CFAP44: variants seen among roughly 807,000 people sequenced by gnomAD.
CFAP44 encodes the protein cilia- and flagella-associated protein 44.
Under a neutral mutation model 216.2 loss-of-function variants are expected in CFAP44, and 134 were observed. The ratio of observed to expected loss-of-function variants is 0.62; its 90% CI spans 0.54 to 0.72. CFAP44 has a LOEUF of 0.72. Ranked by LOEUF, CFAP44 falls within the 30% of genes least tolerant of loss-of-function variation. The pLI, the probability that CFAP44 is intolerant of heterozygous loss-of-function variation, is 0.00. For missense variants in CFAP44, 2,035 were observed against 2,182.1 expected (o/e 0.93, Z 1.34); for synonymous variants, 700 against 727.6 (o/e 0.96, Z 0.61).
chr3:113,354,690 C>T (rs1950478134), intron 22 of CFAP44, among the ~76,000 whole-genome samples: 1 of 152,160 alleles, frequency 6.6e-6, no homozygotes, highest in African/African-American at 2.4e-5. Context: ...ACCTGGTGGT[C>T]TTTCTCTACC....
intron 12 of CFAP44, among the ~76,000 whole-genome samples, chr3:113,400,211 C>T (rs1934104781): frequency 1.3e-5 from 2 of 152,002 alleles, no homozygotes; most frequent in African/African-American, 2.4e-5. Context: ...ACTGCTGGGT[C>T]AATTTCACCT....
chr3:113,327,508 A>C, intron 27 of CFAP44, 108 bp downstream of exon 27: 4 of 962,952 alleles, frequency 4.2e-6, no homozygotes, highest in Non-Finnish European at 5.9e-6. Context: ...AAGACAAGAA[A>C]GAGATAAGGG....
In CFAP44 at chr3:113,312,245, T is replaced by G. The variant is rs552328412; in HGVS notation, c.4517-3977A>C. Among the ~76,000 whole-genome samples the G allele has an allele frequency of 2.0e-5, 3 of 149,996 alleles. No individual in the cohort carries two copies. In the East Asian group the frequency reaches 5.9e-4, roughly 29 times the overall value. Reference sequence around the variant, plus strand: ...CGCCACCATGCCTGGCTAATTTTTTTTTTTTTTTTTTGTATTTTTAGGAGA... The same window carrying G: ...CGCCACCATGCCTGGCTAATTTTTTGTTTTTTTTTTTGTATTTTTAGGAGA... On this transcript the variant is annotated intron_variant, in intron 28 of 34. Coordinates refer to ENST00000393845, the MANE Select transcript of CFAP44 (RefSeq NM_001164496.2).
intron 28 of CFAP44, among the ~76,000 whole-genome samples, chr3:113,317,220 G>T (rs1303490462): frequency 6.6e-6 from 1 of 152,210 alleles, no homozygotes; most frequent in African/African-American, 2.4e-5. Context: ...ACCTGGCAGG[G>T]GGATCTCCCC....
intron 4 of CFAP44, 130 bp downstream of exon 4, chr3:113,425,994 T>G (rs1576606678): frequency 1.3e-4 from 134 of 1,026,986 alleles, no homozygotes; most frequent in Middle Eastern, 6.7e-4. Flanking sequence ...GATGTGGCTG[T>G]GTTGCAATAA....
At chr3:113,309,449 GC>G (rs1299152700) in intron 28 of CFAP44, among the ~76,000 whole-genome samples, 2 of 152,020 alleles carry the variant, frequency 1.3e-5, no homozygotes, top group Admixed American at 6.6e-5. Context: ...CATTATAGTA[GC>G]CCCCCTGAAT....
chr3:113,324,838 C>A (rs1220698429), intron 28 of CFAP44, among the ~76,000 whole-genome samples: 1 of 152,108 alleles, frequency 6.6e-6, no homozygotes, highest in African/African-American at 2.4e-5. Flanking sequence ...TAGCAAAACC[C>A]ACAATTACTT....
At chr3:113,316,872 A>G (rs1239691931) in intron 28 of CFAP44, among the ~76,000 whole-genome samples, 1 of 151,616 alleles carries the variant, frequency 6.6e-6, no homozygotes, top group East Asian at 1.9e-4. Flanking sequence ...CCATCTCAAA[A>G]AAAAAAAAAA....
At chr3:113,369,455 G>A (rs924661685) in intron 18 of CFAP44, among the ~76,000 whole-genome samples, 2 of 152,210 alleles carry the variant, frequency 1.3e-5, no homozygotes, top group African/African-American at 4.8e-5. Context: ...TGTGGAAACT[G>A]AACAACCTGC....
chr3:113,294,664 G>A (rs1311058665), intron 34 of CFAP44, 23 bp downstream of exon 34: 1 of 1,495,230 alleles, frequency 6.7e-7, no homozygotes, highest in Admixed American at 2.5e-5. Flanking sequence ...TTCCGAAAAA[G>A]GGTCTGAAGG....
chr3:113,363,301 C>T lies in CFAP44; in HGVS notation c.2778G>A (p.Glu926=), dbSNP rs780047666. 6.2e-7 allele frequency: 1 copy of T among 1,602,688 alleles called. No homozygotes were observed. Residue 926 remains glutamate (E), a synonymous_variant, in exon 21 of 35, where the codon GAG becomes GAA. Coordinates refer to ENST00000393845, the MANE Select transcript of CFAP44 (RefSeq NM_001164496.2). ...DIEDPKAYSI[E]NARRKREHDK... The stretch of plus-strand genomic sequence containing the variant: ...CATGTTCTCTTTTTCTCCTAGCATT[C>T]TCGATACTGAAAACAGAAATTTAAA...
At chr3:113,426,345 G>T in intron 3 of CFAP44, 68 bp from the exon 4 acceptor site, 3 of 1,532,186 alleles carry the variant, frequency 2.0e-6, no homozygotes, top group Non-Finnish European at 2.7e-6. Flanking sequence ...ATCTCAACTT[G>T]AATTGTAGTT....
At chr3:113,324,042 C>CAAAAAAAAAAAAAAAAAAAA (rs200919084) in intron 28 of CFAP44, among the ~76,000 whole-genome samples, 83 of 71,710 alleles carry the variant, frequency 1.2e-3, no homozygotes, top group Non-Finnish European at 1.7e-3. Flanking sequence ...GACTCCGTCT[C>CAAAAAAAAAAAAAAAAAAAA]AAAAAAAAAA....
chr3:113,288,584 CCTT>C lies in CFAP44; in HGVS notation c.*2970_*2972del, dbSNP rs1007812898. 1.3e-5 allele frequency: 2 copies of C among 152,198 alleles called. No individual in the cohort carries two copies. Among genetic ancestry groups the C allele is most frequent in the Non-Finnish European group, 2.9e-5 (2 of 68,062 alleles). The allele number at this position is 152,198 out of a possible 1,614,324, so 9.4% of individuals were successfully genotyped here. A position where few individuals can be genotyped will look rare whatever the true frequency, so the allele number is the denominator to read the frequency against. ...GCCCCCCAATCTGAGCTGTAACTCA[CCTT>C]CTAGCCCCACTGGTTTTTACATTTT... On this transcript the variant is annotated 3_prime_UTR_variant, in exon 35 of 35. Coordinates refer to ENST00000393845, the MANE Select transcript of CFAP44 (RefSeq NM_001164496.2).
rs551140388 is a variant in CFAP44 at position 113,288,616 on chromosome 3, C to A, written c.*2941G>T. 6.6e-6 allele frequency: 1 copy of A among 152,152 alleles called. No individual in the cohort carries two copies. The highest frequency in any genetic ancestry group is 2.4e-5 in the African/African-American group (1 of 41,434). The allele number at this position is 152,152 out of a possible 1,614,324, so 9.4% of individuals were successfully genotyped here. On this transcript the variant is annotated 3_prime_UTR_variant, in exon 35 of 35. Coordinates refer to ENST00000393845, the MANE Select transcript of CFAP44 (RefSeq NM_001164496.2). ...GCCCCACTGGTTTTTACATTTTTTC[C>A]TTTTTCTCCTTGATGATCTAAGGTA...
In CFAP44 at chr3:113,308,277, AGAG is replaced by A. The variant is rs1435512716; in HGVS notation, c.4517-12_4517-10del. On this transcript the variant is annotated splice_polypyrimidine_tract_variant and intron_variant, in intron 28 of 34. Coordinates refer to ENST00000393845, the MANE Select transcript of CFAP44 (RefSeq NM_001164496.2). ...ACTCTCCTCATCTTCATCTATGGAA[AGAG>A]GAGGGCATTGTTAACAAAGAAGCTT... 1 of 1,515,690 alleles carries A rather than the reference AGAG, an allele frequency of 6.6e-7. No homozygotes were observed. Among genetic ancestry groups the A allele is most frequent in the African/African-American group, 1.4e-5 (1 of 71,756 alleles). The allele number at this position is 1,515,690 out of a possible 1,614,324, so 93.9% of individuals were successfully genotyped here. A position where few individuals can be genotyped will look rare whatever the true frequency, so the allele number is the denominator to read the frequency against.
intron 15 of CFAP44, among the ~76,000 whole-genome samples, chr3:113,383,225 C>T (rs894174158): frequency 4.6e-5 from 7 of 152,202 alleles, no homozygotes; most frequent in African/African-American, 1.7e-4. Context: ...ATACCATAAA[C>T]TAAGTAGCTT....
intron 13 of CFAP44, 76 bp downstream of exon 13, chr3:113,399,830 T>G: frequency 1.0e-6 from 1 of 984,990 alleles, no homozygotes. Context: ...AGCAAATATC[T>G]ATATTTCCAG....
Position 113,363,205 on chromosome 3 carries a change from T to C in CFAP44, c.2874A>G (p.Glu958=). Residue 958 remains glutamate (E), a synonymous_variant, in exon 21 of 35, where the codon GAA becomes GAG. Coordinates refer to ENST00000393845, the MANE Select transcript of CFAP44 (RefSeq NM_001164496.2). ...CATTCATTTCTAATAGATTACAAAATTCACTCCTCAAAGCTTTGATTTGCT... is the reference window on the plus strand; with the variant it reads ...CATTCATTTCTAATAGATTACAAAACTCACTCCTCAAAGCTTTGATTTGCT... ...KREQIKALRS[E]FCNLLEMNEK... is the part of the protein sequence containing the mutation. 6.2e-7 allele frequency: 1 copy of C among 1,613,252 alleles called. No homozygotes were observed. Among genetic ancestry groups the C allele is most frequent in the Non-Finnish European group, 8.5e-7 (1 of 1,179,746 alleles).
Sources: gnomAD v4.1 joint callset for allele counts (sites outside exome capture counted in the v4.1 genomes callset) on GRCh38, gnomAD v4.1.1 for gene constraint, MANE v1.5 for transcripts, NCBI Gene and HGNC (gene_info 2026-07-23, HGNC 2026-07-21) for gene names.